LARGE1: variants seen among roughly 807,000 people sequenced by gnomAD.
LARGE1 encodes xylosyl- and glucuronyltransferase LARGE1.
In LARGE1, 43 loss-of-function variants were observed where a neutral mutation model predicts 87.6. The ratio of observed to expected loss-of-function variants is 0.49; its 90% confidence interval spans 0.38 to 0.63. The LOEUF (loss-of-function observed/expected upper bound fraction) is 0.63. Among genes scored for constraint, LARGE1 ranks in the 30% least tolerant of loss-of-function variants. The pLI, the probability that LARGE1 is intolerant of heterozygous loss-of-function variation, is 0.00. For missense variants in LARGE1, 802 were observed against 1,000.2 expected (o/e 0.80, Z 2.67); for synonymous variants, 434 against 394.6 (o/e 1.10, Z -1.18).
intron 5 of LARGE1, among the ~76,000 whole-genome samples, chr22:33,604,032 G>T (rs986875544): frequency 1.3e-4 from 20 of 152,242 alleles, no homozygotes; most frequent in Admixed American, 1.2e-3. Flanking sequence ...GCAGAGATGC[G>T]TGGTTTACTT....
intron 6 of LARGE1, among the ~76,000 whole-genome samples, chr22:33,444,018 C>T (rs1378481746): frequency 2.6e-5 from 4 of 152,236 alleles, no homozygotes; most frequent in Non-Finnish European, 5.9e-5. Context: ...ACTTCACTCA[C>T]AGATATTCCT....
intron 6 of LARGE1, among the ~76,000 whole-genome samples, chr22:33,522,533 T>TA (rs367689982): frequency 3.3e-5 from 5 of 151,618 alleles, no homozygotes; most frequent in African/African-American, 4.8e-5. Context: ...ACTTTGTCTC[T>TA]AAAAAAAATA....
At chr22:33,117,052 A>T in the LARGE1 span, among the ~76,000 whole-genome samples, 1 of 152,230 alleles carries the variant, frequency 6.6e-6, no homozygotes, top group Non-Finnish European at 1.5e-5. Context: ...AGTGAGTCAC[A>T]GGAAAATGCC....
exon 12 of LARGE1, chr22:33,165,602 G>A (rs1922227718): frequency 6.6e-6 from 1 of 152,192 alleles, no homozygotes; most frequent in Non-Finnish European, 1.5e-5. Flanking sequence ...GAAGGTCACA[G>A]CATTATTAGC....
At chr22:33,115,661 A>C in the LARGE1 span, among the ~76,000 whole-genome samples, 10 of 151,330 alleles carry the variant, frequency 6.6e-5, no homozygotes, top group East Asian at 5.8e-4. Context: ...ACTAAAAATA[A>C]AAAAAAATTA....
intron 12 of LARGE1, among the ~76,000 whole-genome samples, chr22:33,289,944 T>A (rs1932233569): frequency 6.6e-6 from 1 of 151,978 alleles, no homozygotes; most frequent in Admixed American, 6.6e-5. Flanking sequence ...GGGGAGGGGA[T>A]GTGAGTGTGA....
chr22:33,255,141 T>C (rs1927197861), intron 11 of LARGE1, among the ~76,000 whole-genome samples: 1 of 152,134 alleles, frequency 6.6e-6, no homozygotes, highest in Non-Finnish European at 1.5e-5. Context: ...TTTCACCATG[T>C]TGGTCAGGCT....
At chr22:33,172,191 T>C (rs1422664573) in intron 11 of LARGE1, among the ~76,000 whole-genome samples, 1 of 152,250 alleles carries the variant, frequency 6.6e-6, no homozygotes, top group Non-Finnish European at 1.5e-5. Context: ...TGGGAATATT[T>C]ACCAATGCCT....
intron 1 of LARGE1, among the ~76,000 whole-genome samples, chr22:33,847,969 A>G (rs780725253): frequency 8.5e-5 from 13 of 152,212 alleles, no homozygotes; most frequent in Middle Eastern, 3.2e-3. Flanking sequence ...TTACAAAAAA[A>G]ACTGACAGCC....
intron 6 of LARGE1, among the ~76,000 whole-genome samples, chr22:33,502,553 G>A (rs953980983): frequency 2.6e-5 from 4 of 151,878 alleles, no homozygotes; most frequent in East Asian, 1.9e-4. Flanking sequence ...CCACCTCTGC[G>A]TATCCTGCAT....
chr22:33,271,249 G>T (rs1928227669), downstream of LARGE1, among the ~76,000 whole-genome samples: 1 of 152,182 alleles, frequency 6.6e-6, no homozygotes, highest in Non-Finnish European at 1.5e-5. Context: ...TTCTTATTGG[G>T]AAAGGAAGTA....
intron 2 of LARGE1, among the ~76,000 whole-genome samples, chr22:33,753,998 GTTGCAA>G (rs1556028440): frequency 2.0e-5 from 3 of 152,054 alleles, no homozygotes; most frequent in Non-Finnish European, 4.4e-5. Flanking sequence ...GGAGGCGGAG[GTTGCAA>G]TGAGCTGAGA....
At chr22:33,497,071 C>CTT (rs5845088) in intron 6 of LARGE1, among the ~76,000 whole-genome samples, 168 of 133,922 alleles carry the variant, frequency 1.3e-3, no homozygotes, top group Non-Finnish European at 1.9e-3. Flanking sequence ...CTTTTCTTTT[C>CTT]TTTTTTTTTT....
At chr22:33,356,751 AGAGT>A (rs1049573875) in intron 9 of LARGE1, among the ~76,000 whole-genome samples, 21 of 152,210 alleles carry the variant, frequency 1.4e-4, no homozygotes, top group African/African-American at 4.8e-4. Context: ...CCTGGGCAAT[AGAGT>A]GAGACTCCAT....
intron 1 of LARGE1, among the ~76,000 whole-genome samples, chr22:33,845,402 G>A (rs1006474690): frequency 2.6e-5 from 4 of 152,074 alleles, no homozygotes; most frequent in Admixed American, 2.6e-4. Context: ...TCTACCTCCT[G>A]GGTTCAGGCG....
At chr22:33,568,031 A>G (rs553212918) in intron 5 of LARGE1, among the ~76,000 whole-genome samples, 113 of 152,340 alleles carry the variant, frequency 7.4e-4, no homozygotes, top group African/African-American at 2.7e-3. Flanking sequence ...AAGTATATGC[A>G]GAATTAGGGG....
At chr22:33,859,197 A>T (rs1383641383) in intron 1 of LARGE1, among the ~76,000 whole-genome samples, 2 of 152,238 alleles carry the variant, frequency 1.3e-5, no homozygotes, top group African/African-American at 2.4e-5. Context: ...AATTAAAAAA[A>T]ATAAAAATGA....
chr22:33,441,137 C>T (rs2067460705), intron 6 of LARGE1, among the ~76,000 whole-genome samples: 1 of 128,818 alleles, frequency 7.8e-6, no homozygotes, highest in South Asian at 2.5e-4. Flanking sequence ...TGCAATGGTA[C>T]AATCTTGGCT....
chr22:33,110,700 A>G, the LARGE1 span: 1 of 152,318 alleles, frequency 6.6e-6, no homozygotes, highest in East Asian at 1.9e-4. Flanking sequence ...TCCAAGTCCA[A>G]ACTGGGGCTA....
Sources: allele counts gnomAD v4.1 joint callset (sites outside exome capture counted in the v4.1 genomes callset), GRCh38; gene constraint gnomAD v4.1.1; transcripts MANE v1.5; gene names NCBI Gene and HGNC (gene_info 2026-07-23, HGNC 2026-07-21).